Variants in CELF2 observed in about 807,000 individuals in gnomAD.
CELF2 encodes CUG triplet repeat RNA-binding protein 2.
CELF2 carries 8 observed loss-of-function variants against 62.6 expected under a neutral mutation model. The observed-to-expected ratio is 0.13, with a 90% confidence interval of 0.07 to 0.23. CELF2 has a LOEUF of 0.23. Ranked by LOEUF, CELF2 falls within the 10% of genes least tolerant of loss-of-function variation. The probability of loss-of-function intolerance (pLI) is 1.00; values close to 1 mark genes in which losing one functional copy is unlikely to be tolerated. For missense variants in CELF2, 333 were observed against 671.0 expected (o/e 0.50, Z 5.56); for synonymous variants, 258 against 250.0 (o/e 1.03, Z -0.30).
intron 1 of CELF2, among the ~76,000 whole-genome samples, chr10:11,058,372 TCTTAA>T (rs999628069): frequency 2.0e-5 from 3 of 152,046 alleles, no homozygotes; most frequent in African/African-American, 7.3e-5. Flanking sequence ...AAGAGTTTTA[TCTTAA>T]CTTACTGTGT....
At chr10:11,150,424 G>A (rs997420929) in intron 1 of CELF2, among the ~76,000 whole-genome samples, 3 of 152,178 alleles carry the variant, frequency 2.0e-5, no homozygotes, top group African/African-American at 4.8e-5. Flanking sequence ...AATCATACTT[G>A]AATGACTTCA....
chr10:10,834,166 A>G (rs2058090465), intron 1 of CELF2, among the ~76,000 whole-genome samples: 1 of 152,216 alleles, frequency 6.6e-6, no homozygotes, highest in Non-Finnish European at 1.5e-5. Flanking sequence ...GCAGGGACAT[A>G]GGTGGAGCTA....
chr10:10,598,747 CTTTCTTTTTTTTTTTTTTTT>C, the CELF2 span, among the ~76,000 whole-genome samples: 1 of 73,184 alleles, frequency 1.4e-5, no homozygotes, highest in South Asian at 4.5e-4. Flanking sequence ...TTTTCTTTTT[CTTTCTTTTTTTTTTTTTTTT>C]TTTTTTTTTT....
intron 1 of CELF2, among the ~76,000 whole-genome samples, chr10:11,140,336 C>G (rs140273578): frequency 0.012 from 1,775 of 152,138 alleles, 29 homozygotes; most frequent in African/African-American, 0.04. Context: ...GAACTCCTGG[C>G]CTCCGGTGAT....
rs547785475 is a variant in CELF2 at position 11,268,204 on chromosome 10, A to G, written c.618+1527A>G. Among the ~76,000 whole-genome samples the G allele has an allele frequency of 2.0e-5, 3 of 152,316 alleles. No individual in the cohort carries two copies. The highest frequency in any genetic ancestry group is 7.2e-5 in the African/African-American group (3 of 41,562). On this transcript the variant is annotated intron_variant, in intron 6 of 12. Transcript: ENST00000633077. This position sits in a 1 kb window ranked among gnomAD's most constrained non-coding sequence, Gnocchi z 4.7. Reference sequence around the variant, plus strand: ...ATCTTCAATTCAGTTTGAAGATTAAAATGAAACTGCTGTTAGGGGCAAAAA... The same window carrying G: ...ATCTTCAATTCAGTTTGAAGATTAAGATGAAACTGCTGTTAGGGGCAAAAA...
intron 2 of CELF2, among the ~76,000 whole-genome samples, chr10:11,197,070 G>GAAAGAAAGAAAGAAAGGAAAGAAAGGAAA (rs1329770894): frequency 1.3e-5 from 1 of 78,100 alleles, no homozygotes. Flanking sequence ...AAGAAAGAAA[G>GAAAGAAAGAAAGAAAGGAAAGAAAGGAAA]GAAAGAAAGA....
At chr10:10,546,208 C>G in the CELF2 span, among the ~76,000 whole-genome samples, 1 of 152,144 alleles carries the variant, frequency 6.6e-6, no homozygotes, top group South Asian at 2.1e-4. Flanking sequence ...CCCTGCCTGC[C>G]GATAACCATA....
chr10:10,560,542 A>G, the CELF2 span, among the ~76,000 whole-genome samples: 2 of 152,150 alleles, frequency 1.3e-5, no homozygotes, highest in East Asian at 3.9e-4. Flanking sequence ...GGATGTGGCA[A>G]TCAGGGAGCA....
the CELF2 span, among the ~76,000 whole-genome samples, chr10:10,467,871 A>G: frequency 1.2e-4 from 18 of 152,218 alleles, no homozygotes; most frequent in East Asian, 3.1e-3. Flanking sequence ...AAAAATAAAA[A>G]ATGTAAACTT....
At chr10:10,710,011 C>T in the CELF2 span, among the ~76,000 whole-genome samples, 1 of 152,224 alleles carries the variant, frequency 6.6e-6, no homozygotes, top group Non-Finnish European at 1.5e-5. Context: ...ATGCTTCATT[C>T]TTTCTTTCCC....
rs2078521979 is a variant in CELF2 at position 11,255,707 on chromosome 10, G to A, written c.404-2031G>A. Among the ~76,000 whole-genome samples, 1 of 152,064 alleles carries A rather than the reference G, an allele frequency of 6.6e-6. No individual in the cohort carries two copies. The highest frequency in any genetic ancestry group is 1.5e-5 in the Non-Finnish European group (1 of 68,016). ...CCCACTCACCGTCCCTGCCTCAAGA[G>A]CCCCAGTCACCCCGAGTATGTCACA... On this transcript the variant is annotated intron_variant, in intron 4 of 12. Transcript: ENST00000633077. This position sits in a 1 kb window ranked among gnomAD's most constrained non-coding sequence, Gnocchi z 5.5.
At chr10:10,589,554 G>C in the CELF2 span, among the ~76,000 whole-genome samples, 3 of 152,190 alleles carry the variant, frequency 2.0e-5, no homozygotes, top group African/African-American at 2.4e-5. Flanking sequence ...TCCTCAGTCT[G>C]AGCTAGGTAG....
At position 10,913,632 on chromosome 10, in the gene CELF2, C is replaced by T. The variant is rs1327988845; in HGVS notation, c.54-6332C>T. Among the ~76,000 whole-genome samples, 4 of 150,892 alleles carry T rather than the reference C, an allele frequency of 2.7e-5. No individual in the cohort carries two copies. The South Asian group carries it at 6.2e-4, about 23-fold the overall frequency. ...TCCCAAACTCCTGAACTCGGGTGAT[C>T]CACCTGCCTCAGGCTACCAAAGTGT... On this transcript the variant is annotated intron_variant, in intron 1 of 13. Coordinates refer to the CELF2 transcript ENST00000636488.
At chr10:10,847,158 A>T (rs914420266) in intron 1 of CELF2, among the ~76,000 whole-genome samples, 2 of 151,810 alleles carry the variant, frequency 1.3e-5, no homozygotes, top group African/African-American at 4.8e-5. Context: ...TATATTAGGT[A>T]TATATATAAA....
the CELF2 span, among the ~76,000 whole-genome samples, chr10:10,556,810 T>C: frequency 6.6e-6 from 1 of 151,952 alleles, no homozygotes; most frequent in African/African-American, 2.4e-5. Flanking sequence ...TTCATGTGTC[T>C]TTTGGCTGCA....
chr10:10,766,307 G>T, the CELF2 span, among the ~76,000 whole-genome samples: 1 of 152,132 alleles, frequency 6.6e-6, no homozygotes, highest in African/African-American at 2.4e-5. Context: ...TGAGGCACAC[G>T]GAATAATGAG....
chr10:10,642,690 G>A, the CELF2 span, among the ~76,000 whole-genome samples: 113 of 152,314 alleles, frequency 7.4e-4, no homozygotes, highest in Non-Finnish European at 1.0e-3. Flanking sequence ...ATTTTTAACA[G>A]GCATGCTTCC....
intron 1 of CELF2, among the ~76,000 whole-genome samples, chr10:11,025,180 G>C (rs1198058884): frequency 1.3e-5 from 2 of 151,632 alleles, no homozygotes; most frequent in Admixed American, 6.6e-5. Context: ...CAGTAGGCCT[G>C]AAATATGTGT....
intron 1 of CELF2, among the ~76,000 whole-genome samples, chr10:10,905,562 G>T (rs1204136352): frequency 6.8e-6 from 1 of 147,460 alleles, no homozygotes; most frequent in Non-Finnish European, 1.5e-5. Context: ...TTCCCAACAT[G>T]GCAAACCCCC....
Sources: gnomAD v4.1 joint callset for allele counts (sites outside exome capture counted in the v4.1 genomes callset) on GRCh38, gnomAD v4.1.1 for gene constraint, Gnocchi (gnomAD v3.1) non-coding constraint, MANE v1.5 for transcripts, NCBI Gene and HGNC (gene_info 2026-07-23, HGNC 2026-07-21) for gene names.